The following NTRK3 variants were observed in gnomAD, a reference collection of about 807,000 sequenced individuals.
The protein encoded by NTRK3 is neurotrophic receptor tyrosine kinase 3.
Under a neutral mutation model 91.7 loss-of-function variants are expected in NTRK3, and 24 were observed. That is an observed-to-expected ratio of 0.26 (90% CI 0.19 to 0.37). The LOEUF (loss-of-function observed/expected upper bound fraction) is 0.37. NTRK3 is among the 10% of genes least tolerant of loss of function. The pLI is 1.00. For synonymous variants in NTRK3, 483 were observed against 404.0 expected, an observed-to-expected ratio of 1.20 and a Z score of -2.34; for missense variants, 880 against 1,068.9, an observed-to-expected ratio of 0.82 and a Z score of 2.46.
chr15:88,144,089 T>G (rs2151287007), intron 6 of NTRK3: 1 of 152,298 alleles, frequency 6.6e-6, no homozygotes, highest in South Asian at 2.1e-4. Context: ...TACTTCATTC[T>G]TTATCTCTAA....
intron 13 of NTRK3, among the ~76,000 whole-genome samples, chr15:88,115,363 C>T (rs1466072181): frequency 6.6e-6 from 1 of 152,220 alleles, no homozygotes; most frequent in Non-Finnish European, 1.5e-5. Context: ...CTGCCTGCTT[C>T]CCCTAGAGCC....
chr15:88,163,822 A>C (rs1293103412), intron 5 of NTRK3, among the ~76,000 whole-genome samples: 1 of 152,214 alleles, frequency 6.6e-6, no homozygotes, highest in African/African-American at 2.4e-5. Flanking sequence ...GAATTTCATC[A>C]GGTCAGTTTC....
chr15:87,966,336 G>A (rs975455361), intron 14 of NTRK3, among the ~76,000 whole-genome samples: 2 of 152,274 alleles, frequency 1.3e-5, no homozygotes, highest in African/African-American at 4.8e-5. Context: ...CCTGCCCTGC[G>A]AAATTGATCT....
chr15:88,018,652 G>A (rs1015222185), intron 14 of NTRK3, among the ~76,000 whole-genome samples: 4 of 152,102 alleles, frequency 2.6e-5, no homozygotes, highest in African/African-American at 9.7e-5. Context: ...TTTTCTAGCT[G>A]CAAGACTTTA....
intron 14 of NTRK3, among the ~76,000 whole-genome samples, chr15:88,004,118 A>C (rs1386584306): frequency 1.3e-5 from 2 of 151,972 alleles, no homozygotes; most frequent in Non-Finnish European, 2.9e-5. Context: ...GTCTTTCAGC[A>C]CCTGTGCCCT....
At chr15:87,978,697 C>CA (rs2073934525) in intron 14 of NTRK3, 1 of 232,918 alleles carries the variant, frequency 4.3e-6, no homozygotes, top group Non-Finnish European at 8.5e-6. Flanking sequence ...AAGTATGTCC[C>CA]AAAAAAGGAT....
At chr15:88,247,906 C>T (rs572715035) in intron 3 of NTRK3, among the ~76,000 whole-genome samples, 3 of 151,962 alleles carry the variant, frequency 2.0e-5, no homozygotes, top group Non-Finnish European at 2.9e-5. Context: ...CAGGGAAGGA[C>T]GCAGAAAGAA....
intron 5 of NTRK3, among the ~76,000 whole-genome samples, chr15:88,183,101 A>G (rs1389782827): frequency 6.7e-6 from 1 of 148,436 alleles, no homozygotes; most frequent in African/African-American, 2.5e-5. Context: ...CACATTACAT[A>G]TGAGTGGAAT....
chr15:87,937,097 T>C (rs559157497), intron 15 of NTRK3, among the ~76,000 whole-genome samples: 1 of 152,332 alleles, frequency 6.6e-6, no homozygotes, highest in South Asian at 2.1e-4. Flanking sequence ...GAGCTGTGTC[T>C]ACATGACAGC....
Position 88,084,750 on chromosome 15 carries a change from G to T in NTRK3, c.1396+41521C>A, listed in dbSNP as rs76674877. Among the ~76,000 whole-genome samples the T allele has an allele frequency of 5.3e-4, 80 of 152,290 alleles. No homozygotes were observed. In the East Asian group the frequency reaches 0.013, roughly 24 times the overall value. ...GAAGGTTACCAAGGGGACAGTAAATGAGTGCTCCATTTTCTTAAACCTCAG... is the reference window on the plus strand; with the variant it reads ...GAAGGTTACCAAGGGGACAGTAAATTAGTGCTCCATTTTCTTAAACCTCAG... On this transcript the variant is annotated intron_variant, in intron 13 of 18. Coordinates refer to ENST00000394480, the Ensembl canonical transcript of NTRK3.
intron 14 of NTRK3, among the ~76,000 whole-genome samples, chr15:87,987,442 A>G (rs1425652965): frequency 2.0e-5 from 3 of 151,852 alleles, no homozygotes; most frequent in Non-Finnish European, 2.9e-5. Context: ...TGAACTGCCT[A>G]TTTGTATCCT....
At chr15:88,030,491 C>A (rs1464926489) in intron 14 of NTRK3, among the ~76,000 whole-genome samples, 11 of 152,168 alleles carry the variant, frequency 7.2e-5, no homozygotes, top group Admixed American at 7.2e-4. Context: ...GTGCGGATAA[C>A]CTGGTATCAG....
Position 88,212,700 on chromosome 15 carries a change from T to TCACACACACA in NTRK3, c.249-28411_249-28402dup, listed in dbSNP as rs60620542. 1.5e-3 allele frequency among the ~76,000 whole-genome samples: 217 copies of TCACACACACA among 146,140 alleles called. 2 individuals are homozygous for TCACACACACA. Among genetic ancestry groups the TCACACACACA allele is most frequent in the African/African-American group, 4.9e-3 (187 of 38,204 alleles). ...CATGGAAGCTGTTTTGGCTGCTGCA[T>TCACACACACA]CACACACACACACACACACACACAC... On this transcript the variant is annotated intron_variant, in intron 3 of 18. Coordinates refer to ENST00000394480, the Ensembl canonical transcript of NTRK3.
At chr15:88,175,542 T>C (rs2045920923) in intron 5 of NTRK3, among the ~76,000 whole-genome samples, 1 of 152,246 alleles carries the variant, frequency 6.6e-6, no homozygotes, top group Non-Finnish European at 1.5e-5. Context: ...TAATGATCAA[T>C]TTTAGAATCA....
At chr15:88,223,376 G>A (rs2050402437) in intron 3 of NTRK3, among the ~76,000 whole-genome samples, 1 of 152,240 alleles carries the variant, frequency 6.6e-6, no homozygotes, top group Non-Finnish European at 1.5e-5. Context: ...CCTCCCCAGA[G>A]CCCCTCTCTG....
intron 3 of NTRK3, among the ~76,000 whole-genome samples, chr15:88,253,897 T>C (rs2053708596): frequency 6.6e-6 from 1 of 152,146 alleles, no homozygotes; most frequent in Non-Finnish European, 1.5e-5. Flanking sequence ...CTAGAAAGGC[T>C]AACCCAACTC....
chr15:88,103,807 C>T (rs76506232), intron 13 of NTRK3, among the ~76,000 whole-genome samples: 4,363 of 152,216 alleles, frequency 0.029, 175 homozygotes, highest in East Asian at 0.11. Flanking sequence ...CCACCTGAAC[C>T]AGAGATAACA....
rs985250061 is a variant in NTRK3 at position 88,255,766 on chromosome 15, G to A, written c.248+140C>T. 66 of 623,020 alleles carry A rather than the reference G, an allele frequency of 1.1e-4. No individual in the cohort carries two copies. The highest frequency in any genetic ancestry group is 1.4e-4 in the Non-Finnish European group (61 of 425,968). 38.6% of individuals were successfully genotyped at this position (623,020 alleles called of 1,614,324 possible). A position where few individuals can be genotyped will look rare whatever the true frequency, so the allele number is the denominator to read the frequency against. On this transcript the variant is annotated intron_variant, in intron 3 of 18. Transcript: ENST00000394480. This position sits in a 1 kb window ranked among gnomAD's most constrained non-coding sequence, Gnocchi z 4.3. Reference sequence around the variant, plus strand: ...CAGCCGGAGAGCATCTCCCGAGCCAGAGCGAGCCTGACGCGCGCCCAGCGG... The same window carrying A: ...CAGCCGGAGAGCATCTCCCGAGCCAAAGCGAGCCTGACGCGCGCCCAGCGG...
At chr15:88,087,650 G>A (rs561225843) in intron 13 of NTRK3, among the ~76,000 whole-genome samples, 4 of 152,202 alleles carry the variant, frequency 2.6e-5, no homozygotes, top group Non-Finnish European at 5.9e-5. Context: ...TTCCCACAAA[G>A]GGTCATACCT....
Sources: gnomAD v4.1 joint callset for allele counts (sites outside exome capture counted in the v4.1 genomes callset) on GRCh38, gnomAD v4.1.1 for gene constraint, Gnocchi (gnomAD v3.1) non-coding constraint, MANE v1.5 for transcripts, NCBI Gene and HGNC (gene_info 2026-07-23, HGNC 2026-07-21) for gene names.